PDPK1: variants seen among roughly 807,000 people sequenced by gnomAD.
The protein encoded by PDPK1 is 3-phosphoinositide dependent protein kinase 1.
In PDPK1, 7 loss-of-function variants were observed where a neutral mutation model predicts 39.8. That is an observed-to-expected ratio of 0.18 (90% CI 0.10 to 0.33). The LOEUF is 0.33. Ranked by LOEUF, PDPK1 falls within the 10% of genes least tolerant of loss-of-function variation. PDPK1 has a pLI of 1.00. For missense variants in PDPK1, 182 were observed against 384.7 expected, an observed-to-expected ratio of 0.47 and a Z score of 4.41; for synonymous variants, 118 against 159.1, an observed-to-expected ratio of 0.74 and a Z score of 1.95.
intron 7 of PDPK1, among the ~76,000 whole-genome samples, chr16:2,578,181 G>A (rs1057320930): frequency 1.0e-4 from 15 of 147,214 alleles, no homozygotes; most frequent in Non-Finnish European, 2.1e-4. Flanking sequence ...ACCAGCTGCA[G>A]TGGGACAGCG....
In PDPK1 at chr16:2,588,865, C is replaced by T. The variant is rs80143285; in HGVS notation, c.1343+1972C>T. Among the ~76,000 whole-genome samples the T allele has an allele frequency of 5.3e-5, 8 of 152,156 alleles. No homozygotes were observed. In the East Asian group the frequency reaches 9.6e-4, roughly 18 times the overall value. ...TGCCTTTTTGCTGTCATTCTCTGTGCGTGTATGGTGAGTTTTTCAGTGGTC... is the reference window on the plus strand; with the variant it reads ...TGCCTTTTTGCTGTCATTCTCTGTGTGTGTATGGTGAGTTTTTCAGTGGTC... On this transcript the variant is annotated intron_variant, in intron 11 of 13. Coordinates refer to ENST00000342085, the MANE Select transcript of PDPK1 (RefSeq NM_002613.5).
At chr16:2,550,197 C>T (rs1220614143) in intron 1 of PDPK1, among the ~76,000 whole-genome samples, 8 of 151,114 alleles carry the variant, frequency 5.3e-5, no homozygotes, top group South Asian at 4.2e-4. Context: ...GAATGTGTGG[C>T]AAACAGCAAG....
chr16:2,543,785 G>A (rs999611088), intron 1 of PDPK1, among the ~76,000 whole-genome samples: 3 of 152,140 alleles, frequency 2.0e-5, no homozygotes, highest in Non-Finnish European at 2.9e-5. Flanking sequence ...GCAGTGGCAC[G>A]ATCTCGGCTC....
At chr16:2,552,441 G>A (rs1597028079) in intron 1 of PDPK1, among the ~76,000 whole-genome samples, 1 of 151,864 alleles carries the variant, frequency 6.6e-6, no homozygotes, top group African/African-American at 2.4e-5. Flanking sequence ...TAAAACTCAG[G>A]GTTTGTTTTC....
rs1441534474 is a variant in PDPK1, at chr16:2,599,417, A to G, written c.*1650A>G. 4.3e-6 allele frequency: 1 copy of G among 233,378 alleles called. No homozygotes were observed. Among genetic ancestry groups the G allele is most frequent in the Non-Finnish European group, 8.5e-6 (1 of 118,102 alleles). 14.5% of individuals were successfully genotyped at this position (233,378 alleles called of 1,614,324 possible). A position where few individuals can be genotyped will look rare whatever the true frequency, so the allele number is the denominator to read the frequency against. ...TGGCTCTTTTTAGCTAGGCGAGTAC[A>G]GACGGGGCCTGGGAGGGGGCAGAGA... is the stretch of plus-strand genomic sequence containing the variant. On this transcript the variant is annotated 3_prime_UTR_variant, in exon 14 of 14. Transcript: ENST00000342085.
At chr16:2,589,246 G>A (rs957452242) in intron 11 of PDPK1, among the ~76,000 whole-genome samples, 3 of 152,114 alleles carry the variant, frequency 2.0e-5, no homozygotes, top group South Asian at 2.1e-4. Context: ...GTGAGCCACC[G>A]CGCCAGCCAA....
intron 1 of PDPK1, chr16:2,538,662 G>T (rs751645751): frequency 2.3e-6 from 3 of 1,288,984 alleles, no homozygotes; most frequent in Non-Finnish European, 3.0e-6. Flanking sequence ...TTCACGGCCC[G>T]GCCAAGGGGC....
chr16:2,587,064 G>A (rs912812974), intron 11 of PDPK1, among the ~76,000 whole-genome samples, 171 bp downstream of exon 11: 3 of 152,334 alleles, frequency 2.0e-5, no homozygotes, highest in East Asian at 3.9e-4. Flanking sequence ...GGAGGCAGCC[G>A]GCCCAGGGGC....
rs780180372 is a variant in PDPK1, at chr16:2,597,332, G to A, written c.1554+57G>A. 35 of 1,453,800 alleles carry A rather than the reference G, an allele frequency of 2.4e-5. No homozygotes were observed. Among genetic ancestry groups the A allele is most frequent in the East Asian group, 2.3e-4 (10 of 43,372 alleles). 90.1% of individuals were successfully genotyped at this position (1,453,800 alleles called of 1,614,324 possible). A position where few individuals can be genotyped will look rare whatever the true frequency, so the allele number is the denominator to read the frequency against. On this transcript the variant is annotated intron_variant, in intron 13 of 13. Transcript: ENST00000342085. This position sits in a 1 kb window ranked among gnomAD's most constrained non-coding sequence, Gnocchi z 6.3. ...GGGTAATGGGAGGGCTTTGCACCAC[G>A]TGGGAAGCAGCCACAGGCCTTGGCC...
rs999640825 is a variant in PDPK1, at chr16:2,543,572, G to A, written c.24+5436G>A. Among the ~76,000 whole-genome samples, 16 of 145,934 alleles carry A rather than the reference G, an allele frequency of 1.1e-4. No individual in the cohort carries two copies. In the South Asian group the frequency reaches 2.0e-3, roughly 19 times the overall value. ...CACGGCCTCTCTTTCCAGCCTGTGC[G>A]GCCCAGGTGGGTCCAGGATGTTCCC... is the stretch of plus-strand genomic sequence containing the variant. On this transcript the variant is annotated intron_variant, in intron 1 of 13. Transcript: ENST00000342085.
intron 1 of PDPK1, among the ~76,000 whole-genome samples, chr16:2,544,588 A>G (rs879600809): frequency 6.6e-6 from 1 of 151,758 alleles, no homozygotes; most frequent in Non-Finnish European, 1.5e-5. Flanking sequence ...CACCTCCCCC[A>G]AATTTTTTTT....
chr16:2,594,810 A>G (rs1445256037), intron 11 of PDPK1, among the ~76,000 whole-genome samples: 2 of 152,088 alleles, frequency 1.3e-5, no homozygotes, highest in African/African-American at 4.8e-5. Flanking sequence ...GTGAAACCCC[A>G]TCTCTACTAA....
intron 1 of PDPK1, among the ~76,000 whole-genome samples, chr16:2,542,913 G>T (rs1287675186): frequency 8.7e-5 from 13 of 149,274 alleles, no homozygotes; most frequent in Admixed American, 3.4e-4. Flanking sequence ...TCAGCAGGAT[G>T]CCAGTCAGGA....
intron 11 of PDPK1, among the ~76,000 whole-genome samples, chr16:2,588,129 G>T (rs1236558885): frequency 6.6e-6 from 1 of 152,196 alleles, no homozygotes; most frequent in Admixed American, 6.5e-5. Flanking sequence ...GGGCCGCCCC[G>T]GCAGGTGGGG....
chr16:2,538,864 C>T (rs1218539923), intron 1 of PDPK1: 3 of 894,316 alleles, frequency 3.4e-6, no homozygotes, highest in South Asian at 1.7e-5. Flanking sequence ...TATTTTCTCT[C>T]TATCGCTAAA....
At chr16:2,586,577 GC>G in intron 10 of PDPK1, 98 bp from the exon 11 acceptor site, 1 of 1,008,612 alleles carries the variant, frequency 9.9e-7, no homozygotes, top group Non-Finnish European at 1.5e-6. Flanking sequence ...CTGTGTGCGA[GC>G]TCCCAAGGCC....
chr16:2,599,169 C>G lies in PDPK1; in HGVS notation c.*1402C>G. 4.3e-6 allele frequency: 1 copy of G among 233,464 alleles called. No individual in the cohort carries two copies. Among genetic ancestry groups the G allele is most frequent in the Non-Finnish European group, 8.5e-6 (1 of 118,166 alleles). The allele number at this position is 233,464 out of a possible 1,614,324, so 14.5% of individuals were successfully genotyped here. ...GAGTGCTCCTGGTGGCCTGGCAGGT[C>G]TGGGCCCTTCTCTCCCTGCCCAGGT... On this transcript the variant is annotated 3_prime_UTR_variant, in exon 14 of 14. Transcript: ENST00000342085.
chr16:2,588,766 G>A (rs1412253966), intron 11 of PDPK1, among the ~76,000 whole-genome samples: 4 of 152,110 alleles, frequency 2.6e-5, no homozygotes, highest in African/African-American at 7.2e-5. Context: ...TACAGTAGTG[G>A]TTTGCATTCT....
At chr16:2,551,868 A>G (rs974940583) in intron 1 of PDPK1, among the ~76,000 whole-genome samples, 1 of 151,172 alleles carries the variant, frequency 6.6e-6, no homozygotes, top group Middle Eastern at 3.2e-3. Flanking sequence ...GGTTTCAACT[A>G]TTGGCCAGGC....
Sources: allele counts gnomAD v4.1 joint callset (sites outside exome capture counted in the v4.1 genomes callset), GRCh38; gene constraint gnomAD v4.1.1; non-coding constraint Gnocchi (gnomAD v3.1); transcripts MANE v1.5; gene names NCBI Gene and HGNC (gene_info 2026-07-23, HGNC 2026-07-21).